The following SH3GL3 variants were observed in gnomAD, a reference collection of about 807,000 sequenced individuals.
SH3GL3 encodes SH3 domain containing GRB2 like 3, endophilin A3, also known as endophilin-A3.
SH3GL3 carries 33 observed loss-of-function variants against 47.7 expected under a neutral mutation model. The ratio of observed to expected loss-of-function variants is 0.69; its 90% CI spans 0.52 to 0.92. The LOEUF (loss-of-function observed/expected upper bound fraction) is 0.92. Among genes scored for constraint, SH3GL3 ranks in the 40% least tolerant of loss-of-function variants. SH3GL3 has a pLI of 0.00. For missense variants in SH3GL3, 363 were observed against 417.8 expected, an observed-to-expected ratio of 0.87 and a Z score of 1.14; for synonymous variants, 155 against 148.8, an observed-to-expected ratio of 1.04 and a Z score of -0.30.
intron 1 of SH3GL3, among the ~76,000 whole-genome samples, chr15:83,482,636 G>A (rs1009000456): frequency 2.6e-5 from 4 of 151,936 alleles, no homozygotes; most frequent in African/African-American, 9.7e-5. Flanking sequence ...TGGGATTACA[G>A]GCGCGCACCA....
At chr15:83,586,793 C>T (rs970818044) in intron 6 of SH3GL3, among the ~76,000 whole-genome samples, 190 bp from the exon 7 acceptor site, 18 of 152,158 alleles carry the variant, frequency 1.2e-4, no homozygotes, top group African/African-American at 4.3e-4. Context: ...ACATGTTTTT[C>T]CAGCATTTAT....
At chr15:83,607,165 C>G (rs374003781) in intron 8 of SH3GL3, among the ~76,000 whole-genome samples, 1 of 152,174 alleles carries the variant, frequency 6.6e-6, no homozygotes, top group Admixed American at 6.5e-5. Context: ...CTGAAATGAT[C>G]TCAAGTGCTG....
intron 1 of SH3GL3, among the ~76,000 whole-genome samples, chr15:83,529,081 T>G (rs1016814154): frequency 6.6e-6 from 1 of 152,120 alleles, no homozygotes; most frequent in Non-Finnish European, 1.5e-5. Context: ...AACAGCATGG[T>G]GTCTGTGATT....
the SH3GL3 span, among the ~76,000 whole-genome samples, chr15:83,631,595 G>C: frequency 6.6e-6 from 1 of 152,226 alleles, no homozygotes; most frequent in Non-Finnish European, 1.5e-5. Flanking sequence ...GTTGGGGCTT[G>C]CACCCTCTGA....
chr15:83,543,546 T>TCAA (rs1270858257), intron 1 of SH3GL3, among the ~76,000 whole-genome samples: 1 of 152,114 alleles, frequency 6.6e-6, no homozygotes, highest in African/African-American at 2.4e-5. Context: ...CCTCCTCCTC[T>TCAA]ATTTTTTAGT....
At chr15:83,496,660 G>T (rs560636717) in intron 1 of SH3GL3, among the ~76,000 whole-genome samples, 1 of 152,210 alleles carries the variant, frequency 6.6e-6, no homozygotes, top group Non-Finnish European at 1.5e-5. Context: ...TGAATGGGAG[G>T]CAGGGGAGTG....
At chr15:83,562,129 A>G (rs968959299) in intron 2 of SH3GL3, among the ~76,000 whole-genome samples, 1 of 151,334 alleles carries the variant, frequency 6.6e-6, no homozygotes, top group Non-Finnish European at 1.5e-5. Flanking sequence ...TTTTTAAGCT[A>G]CATGAGTTTT....
At chr15:83,516,805 A>T (rs2042996134) in intron 1 of SH3GL3, among the ~76,000 whole-genome samples, 1 of 152,182 alleles carries the variant, frequency 6.6e-6, no homozygotes. Flanking sequence ...AAACTGTATC[A>T]GGAGGCATTC....
chr15:83,456,845 A>T (rs1427577369), intron 1 of SH3GL3, among the ~76,000 whole-genome samples: 1 of 152,110 alleles, frequency 6.6e-6, no homozygotes, highest in African/African-American at 2.4e-5. Context: ...TCAGAACCCA[A>T]ATTTTTCAAG....
chr15:83,580,469 C>T (rs1462910367), intron 6 of SH3GL3, among the ~76,000 whole-genome samples: 1 of 152,192 alleles, frequency 6.6e-6, no homozygotes, highest in African/African-American at 2.4e-5. Flanking sequence ...CCTCCAGACA[C>T]AAGTGGGACA....
At chr15:83,516,016 A>G (rs978996679) in intron 1 of SH3GL3, among the ~76,000 whole-genome samples, 11 of 152,120 alleles carry the variant, frequency 7.2e-5, no homozygotes, top group African/African-American at 2.7e-4. Context: ...CATTCCTGGA[A>G]AAATAAAAAA....
chr15:83,596,079 C>T (rs889002119), intron 8 of SH3GL3, among the ~76,000 whole-genome samples: 1 of 152,204 alleles, frequency 6.6e-6, no homozygotes, highest in African/African-American at 2.4e-5. Context: ...TTTTCCCTTT[C>T]ATCCTCTTTA....
chr15:83,556,071 A>G (rs1360801967), intron 1 of SH3GL3, among the ~76,000 whole-genome samples: 1 of 152,236 alleles, frequency 6.6e-6, no homozygotes, highest in Non-Finnish European at 1.5e-5. Context: ...TTGAATAGTC[A>G]TCTTCACCAG....
At chr15:83,606,321 G>A (rs1243243914) in intron 8 of SH3GL3, among the ~76,000 whole-genome samples, 1 of 152,140 alleles carries the variant, frequency 6.6e-6, no homozygotes, top group East Asian at 1.9e-4. Context: ...ATAATTTCTA[G>A]AGCCTAAATC....
intron 1 of SH3GL3, among the ~76,000 whole-genome samples, chr15:83,522,693 A>G (rs1305691842): frequency 1.3e-5 from 2 of 152,226 alleles, no homozygotes; most frequent in African/African-American, 2.4e-5. Context: ...TTAAGTCAAT[A>G]ATTTCAGGTT....
intron 1 of SH3GL3, among the ~76,000 whole-genome samples, chr15:83,473,266 T>TA (rs138887716): frequency 0.094 from 14,182 of 151,510 alleles, 796 homozygotes; most frequent in Non-Finnish European, 0.12. Flanking sequence ...CTTATGGGTC[T>TA]ACTTGGCCTT....
chr15:83,520,025 A>T (rs1445608352), intron 1 of SH3GL3, among the ~76,000 whole-genome samples: 1 of 152,180 alleles, frequency 6.6e-6, no homozygotes, highest in African/African-American at 2.4e-5. Context: ...GTCGGAGACA[A>T]ATGACTTTGC....
chr15:83,534,406 C>T (rs988678907), intron 1 of SH3GL3, among the ~76,000 whole-genome samples: 3 of 151,990 alleles, frequency 2.0e-5, no homozygotes, highest in African/African-American at 4.8e-5. Flanking sequence ...CTCTCTCTCC[C>T]TCTCTCCCTC....
chr15:83,589,769 A>G (rs774634748), intron 8 of SH3GL3, among the ~76,000 whole-genome samples: 2 of 152,216 alleles, frequency 1.3e-5, no homozygotes, highest in Non-Finnish European at 2.9e-5. Context: ...AGTTATTTCC[A>G]TATCATGCAT....
Sources: gnomAD v4.1 joint callset for allele counts (sites outside exome capture counted in the v4.1 genomes callset) on GRCh38, gnomAD v4.1.1 for gene constraint, MANE v1.5 for transcripts, NCBI Gene and HGNC (gene_info 2026-07-23, HGNC 2026-07-21) for gene names.